SGSM2: variants seen among roughly 807,000 people sequenced by gnomAD.
SGSM2 encodes the protein small G protein signaling modulator 2.
Under a neutral mutation model 126.6 loss-of-function variants are expected in SGSM2, and 89 were observed. The observed-to-expected ratio is 0.70, with a 90% CI of 0.59 to 0.84. SGSM2 has a LOEUF of 0.84. SGSM2 is among the 40% of genes least tolerant of loss of function. SGSM2 has a pLI of 0.00. For missense variants in SGSM2, 1,404 were observed against 1,416.6 expected (o/e 0.99, Z 0.14); for synonymous variants, 614 against 574.3 (o/e 1.07, Z -0.99).
intron 23 of SGSM2, 65 bp from the exon 24 acceptor site, chr17:2,379,367 C>G: frequency 6.4e-7 from 1 of 1,572,186 alleles, no homozygotes; most frequent in Non-Finnish European, 8.7e-7. Flanking sequence ...GCAGGGTAGT[C>G]AGCCACCTCC....
intron 21 of SGSM2, 126 bp from the exon 22 acceptor site, chr17:2,377,731 C>CA: frequency 1.5e-6 from 1 of 682,030 alleles, no homozygotes; most frequent in East Asian, 2.6e-5. Context: ...CAGCACAGGG[C>CA]AACAGACAGA....
intron 2 of SGSM2, among the ~76,000 whole-genome samples, chr17:2,351,115 T>C (rs2064829377): frequency 6.6e-6 from 1 of 152,118 alleles, no homozygotes; most frequent in African/African-American, 2.4e-5. Flanking sequence ...TAGCCGGCCA[T>C]GATGGTGGGT....
rs1399047857 is a variant in SGSM2, at chr17:2,337,770, G to A, written c.57+25G>A. The A allele has an allele frequency of 1.3e-6, 2 of 1,506,054 alleles. No homozygotes were observed. The highest frequency in any genetic ancestry group is 1.8e-6 in the Non-Finnish European group (2 of 1,121,312). The allele number at this position is 1,506,054 out of a possible 1,614,324, so 93.3% of individuals were successfully genotyped here. ...GGTAAAGTCGAGTCAAGAACCCCGG[G>A]GGGCTCGCGCCCTGGCCCGCGCGGC... On this transcript the variant is annotated intron_variant, in intron 1 of 23. Coordinates refer to ENST00000268989, the MANE Select transcript of SGSM2 (RefSeq NM_014853.3). This position sits in a 1 kb window ranked among gnomAD's most constrained non-coding sequence, Gnocchi z 5.1.
Position 2,379,969 on chromosome 17 carries a change from A to G in SGSM2, c.*449A>G, listed in dbSNP as rs2151652573. The G allele has an allele frequency of 1.5e-6, 2 of 1,358,764 alleles. No homozygotes were observed. Among genetic ancestry groups the G allele is most frequent in the East Asian group, 5.7e-5 (2 of 35,230 alleles). The allele number at this position is 1,358,764 out of a possible 1,614,324, so 84.2% of individuals were successfully genotyped here. ...CTGAGGGTCCCTTTGCAGTCCCAGT[A>G]TATTGTGCGTGCACCAGCCCCAGCT... On this transcript the variant is annotated 3_prime_UTR_variant, in exon 24 of 24. Coordinates refer to ENST00000268989, the MANE Select transcript of SGSM2 (RefSeq NM_014853.3).
rs781256889 is a variant in SGSM2 at position 2,337,772 on chromosome 17, G to A, written c.57+27G>A. ...TAAAGTCGAGTCAAGAACCCCGGGG[G>A]GCTCGCGCCCTGGCCCGCGCGGCCC... On this transcript the variant is annotated intron_variant, in intron 1 of 23. Transcript: ENST00000268989. The surrounding 1 kb of genome is among the most constrained non-coding windows in gnomAD (Gnocchi z 5.1). 5 of 1,502,504 alleles carry A rather than the reference G, an allele frequency of 3.3e-6. No homozygotes were observed. The East Asian group carries it at 1.4e-4, about 42-fold the overall frequency. 93.1% of individuals were successfully genotyped at this position (1,502,504 alleles called of 1,614,324 possible).
intron 1 of SGSM2, among the ~76,000 whole-genome samples, chr17:2,341,737 T>G (rs1026690244): frequency 5.3e-5 from 8 of 152,242 alleles, no homozygotes; most frequent in Non-Finnish European, 1.5e-5. Flanking sequence ...GGGTTAAATG[T>G]TGGGAACCAC....
chr17:2,371,831 G>C (rs1209286035), intron 13 of SGSM2: 1 of 389,152 alleles, frequency 2.6e-6, no homozygotes, highest in Non-Finnish European at 4.7e-6. Flanking sequence ...AGGGCAGTGA[G>C]TGAATGGCTT....
intron 7 of SGSM2, 31 bp from the exon 8 acceptor site, chr17:2,364,028 A>G: frequency 1.2e-6 from 2 of 1,613,660 alleles, no homozygotes; most frequent in South Asian, 1.1e-5. Flanking sequence ...TCAGCCCTTC[A>G]TCGTCGGTCT....
Position 2,362,747 on chromosome 17 carries a change from G to C in SGSM2, c.459-91G>C. 7.9e-7 allele frequency: 1 copy of C among 1,262,572 alleles called. No individual in the cohort carries two copies. The highest frequency in any genetic ancestry group is 1.2e-5 in the South Asian group (1 of 80,442). 78.2% of individuals were successfully genotyped at this position (1,262,572 alleles called of 1,614,324 possible). A position where few individuals can be genotyped will look rare whatever the true frequency, so the allele number is the denominator to read the frequency against. On this transcript the variant is annotated intron_variant, in intron 4 of 23. Coordinates refer to ENST00000268989, the MANE Select transcript of SGSM2 (RefSeq NM_014853.3). The surrounding 1 kb of genome is among the most constrained non-coding windows in gnomAD (Gnocchi z 4.9). ...GTTTCTTGATGACTGATCTGAATCT[G>C]GTCTTTGTGGGGATGTCCCTACCTG...
Position 2,362,999 on chromosome 17 carries a change from T to TGGA in SGSM2, c.538_539insGAG (p.Cys179_Ala180insGly), listed in dbSNP as rs763167720. On this transcript the variant is annotated inframe_insertion, in exon 6 of 24. Coordinates refer to ENST00000268989, the MANE Select transcript of SGSM2 (RefSeq NM_014853.3). This position sits in a 1 kb window ranked among gnomAD's most constrained non-coding sequence, Gnocchi z 4.9. ...TCTCTGTCTCCACAGTGGGACCCTG[T>TGGA]GCCTTGGAATACACTAAGCTCAAGA... 6.2e-7 allele frequency: 1 copy of TGGA among 1,613,926 alleles called. No homozygotes were observed. The highest frequency in any genetic ancestry group is 1.3e-5 in the African/African-American group (1 of 74,936).
At chr17:2,338,781 A>ATATATATATATG (rs1427900279) in intron 1 of SGSM2, among the ~76,000 whole-genome samples, 1 of 149,224 alleles carries the variant, frequency 6.7e-6, no homozygotes, top group Admixed American at 6.7e-5. Flanking sequence ...CCTAATATAT[A>ATATATATATATG]TATATATAAC....
At chr17:2,338,103 G>A (rs1312433243) in intron 1 of SGSM2, among the ~76,000 whole-genome samples, 2 of 152,038 alleles carry the variant, frequency 1.3e-5, no homozygotes, top group African/African-American at 4.8e-5. Flanking sequence ...GAGGGGGCGG[G>A]GCCCCGCGCG....
chr17:2,354,808 C>G (rs944886300), intron 2 of SGSM2, among the ~76,000 whole-genome samples: 2 of 152,190 alleles, frequency 1.3e-5, no homozygotes, highest in Non-Finnish European at 1.5e-5. Context: ...TAAATTGGGT[C>G]TCTTGGAATG....
chr17:2,358,355 C>T (rs946068921), intron 2 of SGSM2, among the ~76,000 whole-genome samples: 7 of 152,098 alleles, frequency 4.6e-5, no homozygotes, highest in African/African-American at 9.7e-5. Flanking sequence ...TGCGGGATGG[C>T]ATGTGTTTAT....
Position 2,371,278 on chromosome 17 carries a change from C to G in SGSM2, c.1440C>G (p.Ile480Met), listed in dbSNP as rs776267518. The change falls in exon 13 of 24, where the codon ATC becomes ATG. Residue 480 changes from isoleucine (I) to methionine (M), a missense_variant. Coordinates refer to ENST00000268989, the MANE Select transcript of SGSM2 (RefSeq NM_014853.3). ...TGCCCGCAGACGCTGGTGACATGAT[C>G]GAGATGCAGGGCTTTGGGCCCAGCC... Reference protein sequence around the residue: ...PNPMKDAGDMIEMQGFGPSLP... With the variant: ...PNPMKDAGDMMEMQGFGPSLP... 3 of 1,611,800 alleles carry G rather than the reference C, an allele frequency of 1.9e-6. No individual in the cohort carries two copies. Among genetic ancestry groups the G allele is most frequent in the Non-Finnish European group, 2.5e-6 (3 of 1,179,828 alleles).
At chr17:2,341,892 G>C (rs914976394) in intron 1 of SGSM2, among the ~76,000 whole-genome samples, 1 of 152,194 alleles carries the variant, frequency 6.6e-6, no homozygotes, top group African/African-American at 2.4e-5. Flanking sequence ...AGTCCTCAAT[G>C]TTCACAGCAG....
rs2065654763 is a variant in SGSM2 at position 2,367,563 on chromosome 17, G to A, written c.1423+158G>A. 6.6e-6 allele frequency among the ~76,000 whole-genome samples: 1 copy of A among 152,208 alleles called. No homozygotes were observed. Among genetic ancestry groups the A allele is most frequent in the African/African-American group, 2.4e-5 (1 of 41,458 alleles). ...CGGGGGCAGATCAGGGAGGGCAGAA[G>A]GAGGCCAGACAGGTGCTGGCAAGAA... is the stretch of plus-strand genomic sequence containing the variant. On this transcript the variant is annotated intron_variant, in intron 12 of 23. Transcript: ENST00000268989. The surrounding 1 kb of genome is among the most constrained non-coding windows in gnomAD (Gnocchi z 4.0).
Position 2,376,195 on chromosome 17 carries a change from G to A in SGSM2, c.2543G>A (p.Arg848Lys). ...CACCGCATAGACAAGGATGTGCAGAGGTGTGACCGCAACTACTGGTACTTC... is the reference window on the plus strand; with the variant it reads ...CACCGCATAGACAAGGATGTGCAGAAGTGTGACCGCAACTACTGGTACTTC... ...NLHRIDKDVQ[R>K]CDRNYWYFTP... is the part of the protein sequence containing the mutation. The change falls in exon 19 of 24, where the codon AGG becomes AAG. Residue 848 changes from arginine (R) to lysine (K), a missense_variant. Transcript: ENST00000268989. 1 of 1,614,124 alleles carries A rather than the reference G, an allele frequency of 6.2e-7. No homozygotes were observed. Among genetic ancestry groups the A allele is most frequent in the African/African-American group, 1.3e-5 (1 of 75,030 alleles).
At chr17:2,371,873 C>G (rs540299094) in intron 13 of SGSM2, 2 of 437,388 alleles carry the variant, frequency 4.6e-6, no homozygotes, top group Non-Finnish European at 8.3e-6. Flanking sequence ...ACCTTTACTT[C>G]GTCTTCCGTT....
Sources: allele counts gnomAD v4.1 joint callset (sites outside exome capture counted in the v4.1 genomes callset), GRCh38; gene constraint gnomAD v4.1.1; non-coding constraint Gnocchi (gnomAD v3.1); transcripts MANE v1.5; gene names NCBI Gene and HGNC (gene_info 2026-07-23, HGNC 2026-07-21).